The following DGKB variants were observed in gnomAD, a reference collection of about 807,000 sequenced individuals.
DGKB encodes diacylglycerol kinase beta.
In DGKB, 67 loss-of-function variants were observed where a neutral mutation model predicts 114.3. That is an observed-to-expected ratio of 0.59 (90% confidence interval 0.48 to 0.72). DGKB has a LOEUF of 0.72. Among genes scored for constraint, DGKB ranks in the 30% least tolerant of loss-of-function variants. The pLI is 0.00. For missense variants in DGKB, 907 were observed against 975.2 expected (o/e 0.93, Z 0.93); for synonymous variants, 398 against 323.1 (o/e 1.23, Z -2.49).
intron 23 of DGKB, among the ~76,000 whole-genome samples, chr7:14,192,901 G>A (rs1350722465): frequency 6.6e-6 from 1 of 151,922 alleles, no homozygotes; most frequent in Non-Finnish European, 1.5e-5. Context: ...ATCATCAGGT[G>A]TTAGATTCAC....
chr7:14,672,455 T>A (rs905633428), intron 13 of DGKB, among the ~76,000 whole-genome samples: 17 of 150,854 alleles, frequency 1.1e-4, no homozygotes, highest in Admixed American at 9.3e-4. Context: ...TTCAATAAAA[T>A]TTTTTTTTTA....
At chr7:14,502,261 G>A (rs1174339179) in intron 20 of DGKB, among the ~76,000 whole-genome samples, 1 of 151,966 alleles carries the variant, frequency 6.6e-6, no homozygotes, top group African/African-American at 2.4e-5. Context: ...GTTTTGAGAT[G>A]AGAAAGAAGC....
At chr7:14,947,004 T>C (rs1785920176) in intron 1 of DGKB, among the ~76,000 whole-genome samples, 1 of 151,666 alleles carries the variant, frequency 6.6e-6, no homozygotes, top group Non-Finnish European at 1.5e-5. Context: ...TAAGAAGTGT[T>C]GTATTTTTTA....
chr7:14,227,180 G>A lies in DGKB; in HGVS notation c.2123-49029C>T, dbSNP rs142512478. Among the ~76,000 whole-genome samples, 49 of 152,076 alleles carry A rather than the reference G, an allele frequency of 3.2e-4. 1 individual carries two copies. Among genetic ancestry groups the A allele is most frequent in the African/African-American group, 1.1e-3 (47 of 41,506 alleles). The stretch of plus-strand genomic sequence containing the variant: ...TCCAAGCCTTGGTTCATTCTACCTT[G>A]GACACTACTGTGTTTCCTTCACAAT... On this transcript the variant is annotated intron_variant, in intron 23 of 25. Coordinates refer to ENST00000402815, the MANE Select transcript of DGKB (RefSeq NM_001350709.2).
intron 2 of DGKB, among the ~76,000 whole-genome samples, chr7:14,775,798 G>GTTTC (rs2128479573): frequency 6.6e-6 from 1 of 152,184 alleles, no homozygotes; most frequent in South Asian, 2.1e-4. Flanking sequence ...TTTCAGGTAT[G>GTTTC]TTTCTATTAG....
intron 21 of DGKB, among the ~76,000 whole-genome samples, chr7:14,362,698 G>C (rs2128633023): frequency 6.6e-6 from 1 of 151,864 alleles, no homozygotes; most frequent in South Asian, 2.1e-4. Flanking sequence ...GTCAATTTCT[G>C]GACTAAGTTT....
intron 1 of DGKB, among the ~76,000 whole-genome samples, chr7:14,954,606 G>C (rs75237332): frequency 0.013 from 2,035 of 151,986 alleles, 35 homozygotes; most frequent in African/African-American, 0.04. Flanking sequence ...TGATTTTTTT[G>C]GGGGGAGGGG....
At position 14,753,921 on chromosome 7, in the gene DGKB, G is replaced by C. The variant is rs761642389; in HGVS notation, c.168+7C>G. The C allele has an allele frequency of 2.6e-4, 394 of 1,490,010 alleles. 4 individuals are homozygous for C. The highest frequency in any genetic ancestry group is 1.0e-3 in the Middle Eastern group (6 of 5,868). 92.3% of individuals were successfully genotyped at this position (1,490,010 alleles called of 1,614,324 possible). ...GACAGACTTTAATAGAAAAGAAAATGTCTTACTTGGTTAAGAATGTCTTGT... is the reference window on the plus strand; with the variant it reads ...GACAGACTTTAATAGAAAAGAAAATCTCTTACTTGGTTAAGAATGTCTTGT... On this transcript the variant is annotated splice_region_variant and intron_variant, in intron 4 of 25. Coordinates refer to ENST00000402815, the MANE Select transcript of DGKB (RefSeq NM_001350709.2).
At chr7:14,914,978 T>C (rs1468802277) in intron 1 of DGKB, among the ~76,000 whole-genome samples, 3 of 151,980 alleles carry the variant, frequency 2.0e-5, no homozygotes, top group African/African-American at 7.3e-5. Flanking sequence ...TGAAATAAAA[T>C]ATAAAGAGCA....
chr7:14,636,062 T>C (rs1355635307), intron 13 of DGKB, among the ~76,000 whole-genome samples: 1 of 151,754 alleles, frequency 6.6e-6, no homozygotes, highest in Non-Finnish European at 1.5e-5. Flanking sequence ...GTTCTTGTCT[T>C]TTGCTCCTTT....
At chr7:14,244,384 C>T (rs374252545) in intron 23 of DGKB, among the ~76,000 whole-genome samples, 81 of 152,038 alleles carry the variant, frequency 5.3e-4, no homozygotes, top group East Asian at 1.9e-3. Flanking sequence ...TGGCCGGGCG[C>T]GGTGGCTCAC....
At chr7:14,179,607 T>C (rs1782336965) in intron 23 of DGKB, among the ~76,000 whole-genome samples, 1 of 152,198 alleles carries the variant, frequency 6.6e-6, no homozygotes, top group Admixed American at 6.5e-5. Flanking sequence ...GAGATGCTAA[T>C]GATTTATTTT....
intron 21 of DGKB, among the ~76,000 whole-genome samples, chr7:14,405,626 C>T (rs944594409): frequency 6.6e-6 from 1 of 151,982 alleles, no homozygotes; most frequent in Non-Finnish European, 1.5e-5. Context: ...GTTCTAGCCA[C>T]CCTTGAGCTA....
At chr7:14,299,672 T>C (rs1413169618) in intron 23 of DGKB, among the ~76,000 whole-genome samples, 1 of 151,894 alleles carries the variant, frequency 6.6e-6, no homozygotes, top group Non-Finnish European at 1.5e-5. Context: ...TTTGACTGAA[T>C]GAAAAGGAAA....
intron 23 of DGKB, among the ~76,000 whole-genome samples, chr7:14,179,726 C>G (rs905396063): frequency 6.6e-6 from 1 of 152,084 alleles, no homozygotes; most frequent in African/African-American, 2.4e-5. Context: ...GAATATGCAA[C>G]CAAGCCACCA....
intron 1 of DGKB, among the ~76,000 whole-genome samples, chr7:14,872,008 C>A (rs144276945): frequency 6.6e-6 from 1 of 151,976 alleles, no homozygotes; most frequent in Non-Finnish European, 1.5e-5. Flanking sequence ...AAGACAGAAC[C>A]GGGATTCTCA....
At chr7:14,755,401 T>G (rs1834723170) in intron 3 of DGKB, among the ~76,000 whole-genome samples, 1 of 152,142 alleles carries the variant, frequency 6.6e-6, no homozygotes, top group Non-Finnish European at 1.5e-5. Flanking sequence ...AGCAATTTAA[T>G]TTTTGCAAAT....
At chr7:14,611,951 T>G (rs1196815850) in intron 16 of DGKB, among the ~76,000 whole-genome samples, 1 of 151,736 alleles carries the variant, frequency 6.6e-6, no homozygotes, top group Non-Finnish European at 1.5e-5. Flanking sequence ...ATCAATAACA[T>G]ATACAGCTAA....
chr7:14,609,332 TAGCCATA>T (rs747490797), intron 16 of DGKB, among the ~76,000 whole-genome samples: 1 of 152,110 alleles, frequency 6.6e-6, no homozygotes, highest in Admixed American at 6.6e-5. Flanking sequence ...AATAGCTGGC[TAGCCATA>T]TGCAGAAAAA....
Sources: gnomAD v4.1 joint callset for allele counts (sites outside exome capture counted in the v4.1 genomes callset) on GRCh38, gnomAD v4.1.1 for gene constraint, MANE v1.5 for transcripts, NCBI Gene and HGNC (gene_info 2026-07-23, HGNC 2026-07-21) for gene names.